KLHL24: variants seen among roughly 807,000 people sequenced by gnomAD.
KLHL24 encodes the protein kelch like family member 24, also known as kelch-like protein 24.
Under a neutral mutation model 53.4 loss-of-function variants are expected in KLHL24, and 29 were observed. The observed-to-expected ratio is 0.54, with a 90% CI of 0.40 to 0.74. The LOEUF is 0.74. Ranked by LOEUF, KLHL24 falls within the 30% of genes least tolerant of loss-of-function variation. The probability of loss-of-function intolerance (pLI) is 0.00; values close to 1 mark genes in which losing one functional copy is unlikely to be tolerated. For synonymous variants in KLHL24, 222 were observed against 253.7 expected, an observed-to-expected ratio of 0.88 and a Z score of 1.19; for missense variants, 504 against 744.0, an observed-to-expected ratio of 0.68 and a Z score of 3.75.
At chr3:183,638,709 G>A (rs1441663897) in intron 1 of KLHL24, among the ~76,000 whole-genome samples, 1 of 152,186 alleles carries the variant, frequency 6.6e-6, no homozygotes, top group Non-Finnish European at 1.5e-5. Flanking sequence ...GCTGAGGCAG[G>A]AGAATCTCTT....
At chr3:183,637,028 G>T (rs1440425752) in intron 1 of KLHL24, among the ~76,000 whole-genome samples, 1 of 152,166 alleles carries the variant, frequency 6.6e-6, no homozygotes, top group Non-Finnish European at 1.5e-5. Flanking sequence ...CTGCGAACAC[G>T]TTGTTGCCAG....
chr3:183,681,191 A>G lies in KLHL24; in HGVS notation c.*1905A>G, dbSNP rs1318367726. On this transcript the variant is annotated 3_prime_UTR_variant, in exon 8 of 8. Transcript: ENST00000242810. Reference sequence around the variant, plus strand: ...GTACAGTTTGGATACTTGTACTTTAATTTTAGAGTAAACATCTGCATTATA... The same window carrying G: ...GTACAGTTTGGATACTTGTACTTTAGTTTTAGAGTAAACATCTGCATTATA... 1.3e-5 allele frequency: 2 copies of G among 152,120 alleles called. No homozygotes were observed. Among genetic ancestry groups the G allele is most frequent in the East Asian group, 1.9e-4 (1 of 5,200 alleles). 9.4% of individuals were successfully genotyped at this position (152,120 alleles called of 1,614,324 possible). A position where few individuals can be genotyped will look rare whatever the true frequency, so the allele number is the denominator to read the frequency against.
intron 3 of KLHL24, among the ~76,000 whole-genome samples, chr3:183,659,695 T>G (rs1719427695): frequency 6.7e-6 from 1 of 149,880 alleles, no homozygotes; most frequent in South Asian, 2.1e-4. Flanking sequence ...TCTGCATCAT[T>G]CCCTCCCATT....
At chr3:183,651,924 C>T (rs1361548891) in intron 3 of KLHL24, among the ~76,000 whole-genome samples, 1 of 147,992 alleles carries the variant, frequency 6.8e-6, no homozygotes, top group Admixed American at 6.8e-5. Context: ...CCAGCCTGGG[C>T]AACAGAGTGA....
intron 5 of KLHL24, among the ~76,000 whole-genome samples, chr3:183,668,041 C>T (rs1417986528): frequency 6.7e-6 from 1 of 149,400 alleles, no homozygotes; most frequent in East Asian, 1.9e-4. Context: ...CTGTTAATTC[C>T]TAACGACCTG....
chr3:183,637,134 A>G (rs546476453), intron 1 of KLHL24, among the ~76,000 whole-genome samples: 2 of 152,206 alleles, frequency 1.3e-5, no homozygotes, highest in African/African-American at 4.8e-5. Flanking sequence ...TTCACAATTG[A>G]TTTTAGTGGA....
chr3:183,642,602 C>CAAAAAAAA (rs377410456), intron 1 of KLHL24, among the ~76,000 whole-genome samples: 1 of 92,978 alleles, frequency 1.1e-5, no homozygotes, highest in African/African-American at 3.3e-5. Context: ...CCCCTTCCAC[C>CAAAAAAAA]AAAAAAAAAA....
intron 1 of KLHL24, among the ~76,000 whole-genome samples, chr3:183,642,637 G>C (rs1716621022): frequency 6.9e-6 from 1 of 145,534 alleles, no homozygotes; most frequent in Non-Finnish European, 1.5e-5. Flanking sequence ...AAGGAATTGT[G>C]CCGAATTAGT....
At chr3:183,666,216 G>A (rs565596990) in intron 5 of KLHL24, among the ~76,000 whole-genome samples, 19 of 151,940 alleles carry the variant, frequency 1.3e-4, no homozygotes, top group Non-Finnish European at 2.8e-4. Flanking sequence ...TACAGGTGGA[G>A]TTTCCAAAAT....
At chr3:183,661,477 G>A (rs9290768) in intron 3 of KLHL24, among the ~76,000 whole-genome samples, 1 of 151,958 alleles carries the variant, frequency 6.6e-6, no homozygotes, top group Non-Finnish European at 1.5e-5. Context: ...TTAACAGTCC[G>A]TGATGAGAAC....
chr3:183,674,307 TCTTC>T lies in KLHL24; in HGVS notation c.1602+1837_1602+1840del, dbSNP rs1204253794. Among the ~76,000 whole-genome samples the T allele has an allele frequency of 9.6e-4, 114 of 118,652 alleles. 2 individuals carry two copies. The highest frequency in any genetic ancestry group is 4.8e-3 in the Middle Eastern group (1 of 208). The allele number at this position is 118,652 out of a possible 152,430, so 77.8% of individuals were successfully genotyped here. A position where few individuals can be genotyped will look rare whatever the true frequency, so the allele number is the denominator to read the frequency against. On this transcript the variant is annotated intron_variant, in intron 7 of 7. Transcript: ENST00000242810. Reference sequence around the variant, plus strand: ...TCTTTCTTTCTTTCTTTCTTTCCTTTCTTCCTTCCTTCCTTCCCTTCTTTCCTTC... The same window carrying T: ...TCTTTCTTTCTTTCTTTCTTTCCTTTCTTCCTTCCTTCCCTTCTTTCCTTC...
intron 7 of KLHL24, among the ~76,000 whole-genome samples, chr3:183,674,471 C>T (rs531680693): frequency 1.3e-5 from 2 of 152,136 alleles, no homozygotes; most frequent in African/African-American, 4.8e-5. Flanking sequence ...AGTGATTCTC[C>T]TGCCTCAGCC....
chr3:183,653,409 G>A (rs1425276477), intron 3 of KLHL24, among the ~76,000 whole-genome samples: 7 of 152,202 alleles, frequency 4.6e-5, no homozygotes, highest in Non-Finnish European at 1.0e-4. Flanking sequence ...CACCAACTTA[G>A]TGGATTAACA....
At chr3:183,662,312 G>C (rs1719918204) in intron 3 of KLHL24, among the ~76,000 whole-genome samples, 2 of 152,088 alleles carry the variant, frequency 1.3e-5, no homozygotes, top group African/African-American at 4.8e-5. Flanking sequence ...AAAGAGACAC[G>C]CCAATATTGC....
chr3:183,675,208 T>C (rs1243666396), intron 7 of KLHL24, among the ~76,000 whole-genome samples: 1 of 152,158 alleles, frequency 6.6e-6, no homozygotes, highest in Non-Finnish European at 1.5e-5. Context: ...TTTAAGATAA[T>C]CTTATTTGCA....
intron 3 of KLHL24, among the ~76,000 whole-genome samples, chr3:183,651,529 T>C (rs958069552): frequency 2.0e-5 from 3 of 152,234 alleles, no homozygotes; most frequent in African/African-American, 7.2e-5. Context: ...TGTGCATATC[T>C]CAACATATTT....
intron 7 of KLHL24, among the ~76,000 whole-genome samples, chr3:183,673,909 C>T (rs967495739): frequency 5.9e-5 from 9 of 152,198 alleles, no homozygotes; most frequent in Admixed American, 2.6e-4. Context: ...AGCCTCTCTC[C>T]TGTGTTCCAA....
chr3:183,655,336 A>G (rs1288217004), intron 3 of KLHL24, among the ~76,000 whole-genome samples: 2 of 152,324 alleles, frequency 1.3e-5, no homozygotes, highest in African/African-American at 2.4e-5. Context: ...CTTAGAAACA[A>G]TGGCTGTAGG....
chr3:183,681,444 A>G lies in KLHL24; in HGVS notation c.*2158A>G, dbSNP rs1185636137. On this transcript the variant is annotated 3_prime_UTR_variant, in exon 8 of 8. Transcript: ENST00000242810. ...TTTTCTGTTGTAAAAAGTATTAACT[A>G]TTTACTTTTATTTTGTTATACATTT... 6.6e-6 allele frequency: 1 copy of G among 152,152 alleles called. No individual in the cohort carries two copies. Among genetic ancestry groups the G allele is most frequent in the Non-Finnish European group, 1.5e-5 (1 of 67,818 alleles). 9.4% of individuals were successfully genotyped at this position (152,152 alleles called of 1,614,324 possible).
Sources: allele counts gnomAD v4.1 joint callset (sites outside exome capture counted in the v4.1 genomes callset), GRCh38; gene constraint gnomAD v4.1.1; transcripts MANE v1.5; gene names NCBI Gene and HGNC (gene_info 2026-07-23, HGNC 2026-07-21).